Variants in KCNJ6 observed in about 807,000 individuals in gnomAD.
The protein encoded by KCNJ6 is G protein-activated inward rectifier potassium channel 2.
In KCNJ6, 9 loss-of-function variants were observed where a neutral mutation model predicts 34.2. That is an observed-to-expected ratio of 0.26 (90% CI 0.16 to 0.46). The LOEUF is 0.46. KCNJ6 is among the 20% of genes least tolerant of loss of function. KCNJ6 has a pLI of 1.00. For missense variants in KCNJ6, 236 were observed against 531.3 expected, an observed-to-expected ratio of 0.44 and a Z score of 5.46; for synonymous variants, 196 against 207.1, an observed-to-expected ratio of 0.95 and a Z score of 0.46.
intron 2 of KCNJ6, among the ~76,000 whole-genome samples, chr21:37,745,072 GT>G (rs58661633): frequency 1.7e-4 from 15 of 89,456 alleles, no homozygotes; most frequent in African/African-American, 7.5e-4. Flanking sequence ...AACGTTGCTG[GT>G]TTTTTTTTTT....
intron 3 of KCNJ6, among the ~76,000 whole-genome samples, chr21:37,706,514 T>C (rs922485731): frequency 3.9e-5 from 6 of 152,222 alleles, no homozygotes; most frequent in African/African-American, 1.2e-4. Context: ...GTGTCCTATG[T>C]AGGGGCTGCT....
chr21:37,692,965 CA>C lies in KCNJ6; in HGVS notation c.946+21245del, dbSNP rs1388286441. On this transcript the variant is annotated intron_variant, in intron 3 of 3. Transcript: ENST00000609713. ...AATCTTTATTTGGGTTGACAAGAGC[CA>C]CAAAGAAACTCATTCTGTAAGTGAG... is the stretch of plus-strand genomic sequence containing the variant. Among the ~76,000 whole-genome samples the C allele has an allele frequency of 3.9e-5, 6 of 152,226 alleles. 1 individual carries two copies. The East Asian group carries it at 1.2e-3, about 29-fold the overall frequency.
chr21:37,685,325 T>C (rs1236818135), intron 3 of KCNJ6, among the ~76,000 whole-genome samples: 2 of 151,756 alleles, frequency 1.3e-5, no homozygotes, highest in Non-Finnish European at 2.9e-5. Flanking sequence ...AGGAGGGCAA[T>C]TTGGCAATAT....
At chr21:37,733,901 C>T (rs534842704) in intron 2 of KCNJ6, among the ~76,000 whole-genome samples, 5 of 152,286 alleles carry the variant, frequency 3.3e-5, no homozygotes, top group South Asian at 2.1e-4. Context: ...CAGCCTCTGC[C>T]TTCATTTCTC....
intron 3 of KCNJ6, among the ~76,000 whole-genome samples, chr21:37,633,549 T>G (rs1234268079): frequency 6.6e-6 from 1 of 152,182 alleles, no homozygotes; most frequent in Non-Finnish European, 1.5e-5. Context: ...ATAATATAAC[T>G]GTGTACATAG....
chr21:37,646,054 C>T (rs1327236310), intron 3 of KCNJ6, among the ~76,000 whole-genome samples: 4 of 152,146 alleles, frequency 2.6e-5, no homozygotes, highest in African/African-American at 7.2e-5. Context: ...CTTCTGAATT[C>T]GTACATCCTC....
chr21:37,822,315 C>T (rs73411880), intron 2 of KCNJ6, among the ~76,000 whole-genome samples: 3,613 of 152,236 alleles, frequency 0.024, 144 homozygotes, highest in African/African-American at 0.082. Flanking sequence ...GCCCAATCTC[C>T]TCTGATAGGC....
chr21:37,791,500 C>T (rs2055216801), intron 2 of KCNJ6, among the ~76,000 whole-genome samples: 1 of 152,114 alleles, frequency 6.6e-6, no homozygotes, highest in East Asian at 1.9e-4. Context: ...TTCAAGAGCC[C>T]CTTTAGAGAT....
chr21:37,749,173 G>A (rs984933704), intron 2 of KCNJ6, among the ~76,000 whole-genome samples: 10 of 152,128 alleles, frequency 6.6e-5, no homozygotes, highest in African/African-American at 2.2e-4. Flanking sequence ...GGTGACAGGT[G>A]GGGTAACAGC....
chr21:37,905,685 A>G (rs900780908), intron 1 of KCNJ6, among the ~76,000 whole-genome samples: 3 of 152,108 alleles, frequency 2.0e-5, no homozygotes, highest in Admixed American at 1.3e-4. Context: ...GTGTAATGCT[A>G]TGCTTCTTTG....
chr21:37,748,363 TAA>T (rs1396607632), intron 2 of KCNJ6, among the ~76,000 whole-genome samples: 2 of 152,172 alleles, frequency 1.3e-5, no homozygotes, highest in African/African-American at 4.8e-5. Flanking sequence ...AGCAAGCTCA[TAA>T]AAGAGATGAG....
At position 37,834,962 on chromosome 21, in the gene KCNJ6, A is replaced by G. The variant is rs577382771; in HGVS notation, c.25+5696T>C. 1.7e-3 allele frequency among the ~76,000 whole-genome samples: 258 copies of G among 152,314 alleles called. 1 individual carries two copies. The highest frequency in any genetic ancestry group is 5.6e-3 in the African/African-American group (234 of 41,562). On this transcript the variant is annotated intron_variant, in intron 2 of 3. Transcript: ENST00000609713. ...ATGATGAGTACCTCTTCTCTGCTCC[A>G]TGTGGATGTGTTATGGTGGTGATTT... is the stretch of plus-strand genomic sequence containing the variant.
At chr21:37,646,148 A>T (rs1288748596) in intron 3 of KCNJ6, among the ~76,000 whole-genome samples, 1 of 152,208 alleles carries the variant, frequency 6.6e-6, no homozygotes, top group African/African-American at 2.4e-5. Flanking sequence ...TCAAGTGTAT[A>T]TATCAACGGA....
intron 2 of KCNJ6, among the ~76,000 whole-genome samples, chr21:37,766,278 G>A (rs1601462008): frequency 6.6e-6 from 1 of 152,292 alleles, no homozygotes; most frequent in East Asian, 1.9e-4. Context: ...ATGCCGAAAG[G>A]CTGCCACTCC....
chr21:37,746,648 A>T (rs1330822330), intron 2 of KCNJ6, among the ~76,000 whole-genome samples: 1 of 152,192 alleles, frequency 6.6e-6, no homozygotes, highest in Non-Finnish European at 1.5e-5. Context: ...CCTCTGATTA[A>T]ACAGTGGAAA....
intron 3 of KCNJ6, among the ~76,000 whole-genome samples, chr21:37,643,489 G>A (rs878978613): frequency 6.6e-6 from 1 of 152,196 alleles, no homozygotes; most frequent in African/African-American, 2.4e-5. Context: ...GGAAAAGGAA[G>A]AATGCCTTTA....
intron 3 of KCNJ6, among the ~76,000 whole-genome samples, chr21:37,697,978 A>T (rs1353525925): frequency 6.6e-6 from 1 of 152,182 alleles, no homozygotes; most frequent in Non-Finnish European, 1.5e-5. Flanking sequence ...GAGTTGGGAC[A>T]CTTTAAGTAG....
chr21:37,851,002 G>T (rs1181539588), intron 1 of KCNJ6, among the ~76,000 whole-genome samples: 1 of 152,176 alleles, frequency 6.6e-6, no homozygotes, highest in East Asian at 1.9e-4. Context: ...CAGCCTGTGT[G>T]CATCTGTGAA....
chr21:37,786,078 A>T (rs2055191310), intron 2 of KCNJ6, among the ~76,000 whole-genome samples: 1 of 152,232 alleles, frequency 6.6e-6, no homozygotes, highest in Admixed American at 6.5e-5. Flanking sequence ...CAAAGGCCTG[A>T]TGAGGCCTGA....
Sources: allele counts gnomAD v4.1 joint callset (sites outside exome capture counted in the v4.1 genomes callset), GRCh38; gene constraint gnomAD v4.1.1; transcripts MANE v1.5; gene names NCBI Gene and HGNC (gene_info 2026-07-23, HGNC 2026-07-21).